RBFOX3: variants seen among roughly 807,000 people sequenced by gnomAD.
The protein encoded by RBFOX3 is RNA binding fox-1 homolog 3, also known as RNA binding protein fox-1 homolog 3.
A neutral mutation model predicts 48.7 loss-of-function variants in RBFOX3; 17 were observed. That is an observed-to-expected ratio of 0.35 (90% confidence interval 0.24 to 0.52). The LOEUF (loss-of-function observed/expected upper bound fraction) is 0.52. Ranked by LOEUF, RBFOX3 falls within the 20% of genes least tolerant of loss-of-function variation. The probability of loss-of-function intolerance (pLI) is 0.94; values close to 1 mark genes in which losing one functional copy is unlikely to be tolerated. For synonymous variants in RBFOX3, 212 were observed against 209.5 expected (o/e 1.01, Z -0.10); for missense variants, 382 against 497.5 (o/e 0.77, Z 2.21).
intron 3 of RBFOX3, among the ~76,000 whole-genome samples, chr17:79,260,610 C>T (rs995318134): frequency 6.6e-6 from 1 of 152,206 alleles, no homozygotes; most frequent in Admixed American, 6.5e-5. Context: ...AGGCCAAATC[C>T]AGAGCCCCAG....
At chr17:79,513,158 A>G (rs2084723896) in intron 1 of RBFOX3, among the ~76,000 whole-genome samples, 1 of 151,862 alleles carries the variant, frequency 6.6e-6, no homozygotes, top group Non-Finnish European at 1.5e-5. Flanking sequence ...TCCTATAGCC[A>G]GGGGACATAC....
At chr17:79,094,742 T>C (rs1423194267) in intron 13 of RBFOX3, among the ~76,000 whole-genome samples, 2 of 136,144 alleles carry the variant, frequency 1.5e-5, no homozygotes, top group Non-Finnish European at 3.1e-5. Flanking sequence ...GGCAACCCTC[T>C]CAATATGCCC....
Position 79,204,277 on chromosome 17 carries a change from C to T in RBFOX3, c.-34+31489G>A, listed in dbSNP as rs950646072. ...CCAGTGGATACACACCAGTGGACGCCGGGGAGCGGACACACACCAGCGGGC... is the reference window on the plus strand; with the variant it reads ...CCAGTGGATACACACCAGTGGACGCTGGGGAGCGGACACACACCAGCGGGC... On this transcript the variant is annotated intron_variant, in intron 4 of 14. Transcript: ENST00000693108. This position sits in a 1 kb window ranked among gnomAD's most constrained non-coding sequence, Gnocchi z 4.5. Among the ~76,000 whole-genome samples, 3 of 151,954 alleles carry T rather than the reference C, an allele frequency of 2.0e-5. No homozygotes were observed. The highest frequency in any genetic ancestry group is 2.9e-5 in the Non-Finnish European group (2 of 67,996).
At chr17:79,369,295 C>T (rs2058205067) in intron 2 of RBFOX3, among the ~76,000 whole-genome samples, 1 of 152,072 alleles carries the variant, frequency 6.6e-6, no homozygotes, top group African/African-American at 2.4e-5. Context: ...TACCCAAAGG[C>T]ACCGGAGTTT....
intron 1 of RBFOX3, among the ~76,000 whole-genome samples, chr17:79,524,393 GCT>G (rs1476108050): frequency 1.2e-4 from 18 of 152,130 alleles, no homozygotes; most frequent in Admixed American, 1.1e-3. Context: ...GAGGCAGCCC[GCT>G]CTCTCTTCGG....
chr17:79,502,398 T>C (rs1360262646), intron 1 of RBFOX3, among the ~76,000 whole-genome samples: 7 of 151,744 alleles, frequency 4.6e-5, no homozygotes, highest in African/African-American at 1.7e-4. Flanking sequence ...ACAGTTTCCA[T>C]GGGGAAAAAT....
chr17:79,368,158 C>T (rs931233582), intron 2 of RBFOX3, among the ~76,000 whole-genome samples: 3 of 152,202 alleles, frequency 2.0e-5, no homozygotes, highest in Non-Finnish European at 4.4e-5. Flanking sequence ...TCCACGGGAT[C>T]CCACGGGATG....
At chr17:79,432,716 C>T (rs1555729037) in intron 2 of RBFOX3, among the ~76,000 whole-genome samples, 1 of 147,860 alleles carries the variant, frequency 6.8e-6, no homozygotes, top group East Asian at 2.0e-4. Flanking sequence ...CTAAGGCAGA[C>T]AAAGGGGAAA....
At chr17:79,135,147 A>C (rs1017703512) in intron 4 of RBFOX3, 2 of 152,102 alleles carry the variant, frequency 1.3e-5, no homozygotes, top group Non-Finnish European at 2.9e-5. Context: ...TCTCTGCTTC[A>C]CCTGTCTGTA....
chr17:79,405,355 C>T (rs2063405489), intron 2 of RBFOX3, among the ~76,000 whole-genome samples: 2 of 152,100 alleles, frequency 1.3e-5, no homozygotes, highest in South Asian at 4.1e-4. Flanking sequence ...GTGTGCACTT[C>T]CCCCGATACT....
chr17:79,611,424 C>T (rs1230434568), upstream of RBFOX3, among the ~76,000 whole-genome samples: 1 of 151,896 alleles, frequency 6.6e-6, no homozygotes, highest in Non-Finnish European at 1.5e-5. Flanking sequence ...GCCAACTCCT[C>T]GGGGCAGGGG....
At chr17:79,665,313 T>C in the RBFOX3 span, among the ~76,000 whole-genome samples, 1 of 151,218 alleles carries the variant, frequency 6.6e-6, no homozygotes, top group Admixed American at 6.6e-5. Context: ...GGACACATTC[T>C]ACACAAACTT....
intron 4 of RBFOX3, among the ~76,000 whole-genome samples, chr17:79,229,474 G>T (rs535958517): frequency 1.4e-5 from 2 of 146,654 alleles, no homozygotes; most frequent in Admixed American, 7.0e-5. Context: ...CAGGATAATT[G>T]CTTGAACCTG....
chr17:79,531,286 C>T (rs2087734326), intron 1 of RBFOX3, among the ~76,000 whole-genome samples: 1 of 152,196 alleles, frequency 6.6e-6, no homozygotes, highest in African/African-American at 2.4e-5. Flanking sequence ...CCCACCTGCC[C>T]TGCCAGCATC....
At chr17:79,620,541 ACACGCATG>A in the RBFOX3 span, among the ~76,000 whole-genome samples, 1 of 150,372 alleles carries the variant, frequency 6.7e-6, no homozygotes, top group African/African-American at 2.5e-5. Flanking sequence ...GCACATGCAC[ACACGCATG>A]CACACATGTG....
the RBFOX3 span, among the ~76,000 whole-genome samples, chr17:79,617,752 T>C: frequency 6.6e-6 from 1 of 152,190 alleles, no homozygotes; most frequent in African/African-American, 2.4e-5. Context: ...CATTTTGAGC[T>C]GAAAGCAACT....
At chr17:79,325,975 CG>C (rs1337938463) in intron 2 of RBFOX3, among the ~76,000 whole-genome samples, 3 of 152,194 alleles carry the variant, frequency 2.0e-5, no homozygotes, top group African/African-American at 7.2e-5. Flanking sequence ...GATTTATGAG[CG>C]GAAGAGACAG....
In RBFOX3 at chr17:79,254,801, C is replaced by T. The variant is rs1228627121; in HGVS notation, c.-73-18996G>A. On this transcript the variant is annotated intron_variant, in intron 3 of 14. Coordinates refer to ENST00000693108, the MANE Select transcript of RBFOX3 (RefSeq NM_001350451.2). This position sits in a 1 kb window ranked among gnomAD's most constrained non-coding sequence, Gnocchi z 4.8. ...TCTTGGCTGGGCATGAGAGGGGTCC[C>T]AGAATGTCTGGAAGTGCTGGATGGC... is the stretch of plus-strand genomic sequence containing the variant. Among the ~76,000 whole-genome samples, 1 of 152,170 alleles carries T rather than the reference C, an allele frequency of 6.6e-6. No individual in the cohort carries two copies. The highest frequency in any genetic ancestry group is 2.4e-5 in the African/African-American group (1 of 41,446).
At chr17:79,490,299 T>C (rs1708867) in intron 1 of RBFOX3, among the ~76,000 whole-genome samples, 58,456 of 152,064 alleles carry the variant, frequency 0.38, 11,819 homozygotes, top group East Asian at 0.66. Context: ...GAAAGGCCTT[T>C]TGTAATTTAT....
Sources: gnomAD v4.1 joint callset for allele counts (sites outside exome capture counted in the v4.1 genomes callset) on GRCh38, gnomAD v4.1.1 for gene constraint, Gnocchi (gnomAD v3.1) non-coding constraint, MANE v1.5 for transcripts, NCBI Gene and HGNC (gene_info 2026-07-23, HGNC 2026-07-21) for gene names.